PHLPP1: variants seen among roughly 807,000 people sequenced by gnomAD.
PHLPP1 encodes the protein PH domain leucine-rich repeat-containing protein phosphatase 1.
PHLPP1 carries 42 observed loss-of-function variants against 117.2 expected under a neutral mutation model. That is an observed-to-expected ratio of 0.36 (90% confidence interval 0.28 to 0.46). The LOEUF (loss-of-function observed/expected upper bound fraction) is 0.46, where lower values mean the gene tolerates loss of function less well. PHLPP1 is among the 20% of genes least tolerant of loss of function. The pLI is 1.00. For synonymous variants in PHLPP1, 1,042 were observed against 970.7 expected, an observed-to-expected ratio of 1.07 and a Z score of -1.37; for missense variants, 2,084 against 2,241.9, an observed-to-expected ratio of 0.93 and a Z score of 1.42.
chr18:62,852,780 A>G (rs900985350), intron 3 of PHLPP1, among the ~76,000 whole-genome samples: 36 of 152,168 alleles, frequency 2.4e-4, no homozygotes, highest in African/African-American at 6.8e-4. Flanking sequence ...ACTTTACTAA[A>G]GTATAGAGGG....
At chr18:62,730,493 TAGAG>T (rs112256859) in intron 1 of PHLPP1, among the ~76,000 whole-genome samples, 2 of 151,830 alleles carry the variant, frequency 1.3e-5, no homozygotes, top group South Asian at 2.1e-4. Flanking sequence ...CCTCATTTAT[TAGAG>T]AGAGAGAGAA....
intron 1 of PHLPP1, among the ~76,000 whole-genome samples, chr18:62,821,972 T>C (rs1271823446): frequency 6.6e-6 from 1 of 152,164 alleles, no homozygotes; most frequent in Non-Finnish European, 1.5e-5. Flanking sequence ...GGTATGTAGC[T>C]GTAGTCCTAG....
At chr18:62,966,462 CA>C (rs1481939539) in intron 14 of PHLPP1, among the ~76,000 whole-genome samples, 1 of 140,910 alleles carries the variant, frequency 7.1e-6, no homozygotes, top group Non-Finnish European at 1.5e-5. Flanking sequence ...TACAGTTCTA[CA>C]AATTTTTTTT....
chr18:62,973,332 C>G (rs773589968), intron 15 of PHLPP1, among the ~76,000 whole-genome samples: 1 of 152,198 alleles, frequency 6.6e-6, no homozygotes, highest in Non-Finnish European at 1.5e-5. Context: ...GTTTGTAACT[C>G]TTAGAGGAAT....
At chr18:62,945,693 A>C (rs553889724) in intron 12 of PHLPP1, among the ~76,000 whole-genome samples, 8 of 152,348 alleles carry the variant, frequency 5.3e-5, no homozygotes, top group Middle Eastern at 3.4e-3. Flanking sequence ...GTTAAATAGC[A>C]CACCCCACCA....
intron 3 of PHLPP1, among the ~76,000 whole-genome samples, chr18:62,854,438 C>T (rs1176401140): frequency 6.6e-6 from 1 of 152,170 alleles, no homozygotes; most frequent in Non-Finnish European, 1.5e-5. Context: ...GGGGATTCAC[C>T]CCTCCTCGGA....
chr18:62,967,131 G>A (rs934624255), intron 14 of PHLPP1, among the ~76,000 whole-genome samples: 1 of 152,056 alleles, frequency 6.6e-6, no homozygotes, highest in Non-Finnish European at 1.5e-5. Context: ...TGTTTTACCC[G>A]TTCACCATTT....
intron 3 of PHLPP1, among the ~76,000 whole-genome samples, chr18:62,850,318 G>A (rs566659574): frequency 4.7e-5 from 7 of 147,670 alleles, no homozygotes; most frequent in African/African-American, 1.7e-4. Flanking sequence ...AACTCGGAAG[G>A]TGGAGGTTGC....
chr18:62,751,637 C>T (rs1243615888), intron 1 of PHLPP1, among the ~76,000 whole-genome samples: 4 of 152,180 alleles, frequency 2.6e-5, no homozygotes, highest in Non-Finnish European at 5.9e-5. Flanking sequence ...AAGCTTTATT[C>T]AGGGCATTCC....
intron 1 of PHLPP1, among the ~76,000 whole-genome samples, chr18:62,772,078 C>T (rs544342324): frequency 4.6e-5 from 7 of 152,306 alleles, no homozygotes; most frequent in South Asian, 4.2e-4. Flanking sequence ...CATCTTCTGA[C>T]GTAACTGTGC....
intron 1 of PHLPP1, among the ~76,000 whole-genome samples, chr18:62,822,447 A>G (rs929911029): frequency 3.4e-5 from 5 of 146,948 alleles, no homozygotes; most frequent in Non-Finnish European, 1.5e-5. Flanking sequence ...ACGCCCAGCT[A>G]TTTTTTTTTT....
chr18:62,888,047 G>A (rs1414888589), intron 4 of PHLPP1, among the ~76,000 whole-genome samples: 2 of 152,044 alleles, frequency 1.3e-5, no homozygotes, highest in African/African-American at 2.4e-5. Flanking sequence ...AAAGCCACAG[G>A]TTTCTTGTCA....
intron 12 of PHLPP1, among the ~76,000 whole-genome samples, chr18:62,951,625 T>C (rs1910460530): frequency 6.6e-6 from 1 of 152,086 alleles, no homozygotes; most frequent in Non-Finnish European, 1.5e-5. Flanking sequence ...TTTTCAAGTC[T>C]CTTTTTCAGT....
intron 3 of PHLPP1, among the ~76,000 whole-genome samples, chr18:62,854,775 C>T (rs1044035657): frequency 6.7e-6 from 1 of 148,638 alleles, no homozygotes; most frequent in Admixed American, 6.8e-5. Flanking sequence ...TGGTTCACTG[C>T]AATCTCCGCC....
chr18:62,965,837 TAA>T (rs397807088), intron 14 of PHLPP1, among the ~76,000 whole-genome samples: 8 of 135,814 alleles, frequency 5.9e-5, no homozygotes, highest in Non-Finnish European at 4.8e-5. Flanking sequence ...CACTATACTT[TAA>T]AAAAAAAAAA....
intron 1 of PHLPP1, among the ~76,000 whole-genome samples, chr18:62,804,102 G>T (rs1209315797): frequency 6.6e-6 from 1 of 152,132 alleles, no homozygotes; most frequent in Admixed American, 6.5e-5. Flanking sequence ...AAACTTAACA[G>T]TTAATGGCGG....
At position 62,715,657 on chromosome 18, in the gene PHLPP1, G is replaced by T. The variant is rs1322172223; in HGVS notation, c.-27G>T. On this transcript the variant is annotated 5_prime_UTR_variant, in exon 1 of 17. Transcript: ENST00000262719. ...CTCTCCGCCCGCTGCCTCCGGAGCTGGGGGGGAAACGCGAAGCCCCACTGC... is the reference window on the plus strand; with the variant it reads ...CTCTCCGCCCGCTGCCTCCGGAGCTTGGGGGGAAACGCGAAGCCCCACTGC... The T allele has an allele frequency of 1.2e-4, 145 of 1,253,064 alleles. No individual in the cohort carries two copies. The highest frequency in any genetic ancestry group is 1.4e-4 in the Non-Finnish European group (142 of 998,680). 77.6% of individuals were successfully genotyped at this position (1,253,064 alleles called of 1,614,324 possible).
At chr18:62,919,489 CAT>C (rs1275689886) in intron 9 of PHLPP1, among the ~76,000 whole-genome samples, 3 of 152,178 alleles carry the variant, frequency 2.0e-5, no homozygotes, top group Non-Finnish European at 2.9e-5. Context: ...TGAGGAAAAA[CAT>C]AACATTTTCT....
chr18:62,857,529 A>G (rs2144359172), intron 3 of PHLPP1, among the ~76,000 whole-genome samples: 1 of 152,256 alleles, frequency 6.6e-6, no homozygotes, highest in South Asian at 2.1e-4. Flanking sequence ...GATTGCTCAG[A>G]CCTGGAGTGC....
Sources: allele counts gnomAD v4.1 joint callset (sites outside exome capture counted in the v4.1 genomes callset), GRCh38; gene constraint gnomAD v4.1.1; transcripts MANE v1.5; gene names NCBI Gene and HGNC (gene_info 2026-07-23, HGNC 2026-07-21).